TENM1: variants seen among roughly 807,000 people sequenced by gnomAD.
TENM1 encodes teneurin-1.
TENM1 carries 35 observed loss-of-function variants against 174.8 expected under a neutral mutation model. The ratio of observed to expected loss-of-function variants is 0.20; its 90% confidence interval spans 0.15 to 0.27. The LOEUF (loss-of-function observed/expected upper bound fraction) is 0.27, where lower values mean the gene tolerates loss of function less well. Ranked by LOEUF, TENM1 falls within the 10% of genes least tolerant of loss-of-function variation. The probability of loss-of-function intolerance (pLI) is 1.00; values close to 1 mark genes in which losing one functional copy is unlikely to be tolerated. For synonymous variants in TENM1, 781 were observed against 798.7 expected, an observed-to-expected ratio of 0.98 and a Z score of 0.37; for missense variants, 1,633 against 2,130.1, an observed-to-expected ratio of 0.77 and a Z score of 4.59.
chrX:124,377,501 C>T (rs1051599555), exon 32 of TENM1: 4 of 111,494 alleles, frequency 3.6e-5, no homozygotes, highest in Admixed American at 1.9e-4. Context: ...TAATCAATAA[C>T]GATTAGAATG....
chrX:125,148,262 TAA>T, the TENM1 span, among the ~76,000 whole-genome samples: 1 of 110,663 alleles, frequency 9.0e-6, no homozygotes, highest in Non-Finnish European at 1.9e-5. Flanking sequence ...GCATTCAATC[TAA>T]GTCTATTCTC....
intron 22 of TENM1, among the ~76,000 whole-genome samples, chrX:124,480,280 T>G (rs1279260065): frequency 1.8e-5 from 2 of 111,915 alleles, no homozygotes; most frequent in Admixed American, 1.9e-4. Context: ...CACTGTTAAA[T>G]AAATTCAGAT....
chrX:124,666,471 C>T (rs1355692781), intron 6 of TENM1, among the ~76,000 whole-genome samples: 2 of 111,494 alleles, frequency 1.8e-5, no homozygotes, highest in African/African-American at 6.5e-5. Flanking sequence ...TTTTTGTGTC[C>T]TGGGAAATGG....
intron 17 of TENM1, among the ~76,000 whole-genome samples, chrX:124,522,133 T>C (rs936502194): frequency 2.7e-5 from 3 of 111,897 alleles, no homozygotes; most frequent in African/African-American, 6.5e-5. Context: ...TTAAACACTG[T>C]CTTGTTTTTT....
chrX:124,578,039 C>T (rs1431363401), intron 11 of TENM1, among the ~76,000 whole-genome samples: 2 of 108,473 alleles, frequency 1.8e-5, no homozygotes, highest in Non-Finnish European at 3.8e-5. Context: ...AATCCTCCCG[C>T]CTCAGCCTCC....
chrX:124,402,407 G>A (rs183533374), intron 27 of TENM1, among the ~76,000 whole-genome samples: 4 of 111,799 alleles, frequency 3.6e-5, no homozygotes, highest in African/African-American at 1.3e-4. Context: ...AGTCCAGTCC[G>A]CAAATCTGCT....
chrX:124,597,580 A>G (rs2049926394), intron 11 of TENM1, among the ~76,000 whole-genome samples: 1 of 110,978 alleles, frequency 9.0e-6, no homozygotes. Flanking sequence ...CACATTGGGT[A>G]CAGTGTACAC....
chrX:124,542,159 C>G (rs2048333831), intron 15 of TENM1, among the ~76,000 whole-genome samples: 1 of 112,445 alleles, frequency 8.9e-6, no homozygotes, highest in Non-Finnish European at 1.9e-5. Flanking sequence ...GCTAGCCATG[C>G]CTTATCTGAA....
chrX:125,137,121 T>C, the TENM1 span, among the ~76,000 whole-genome samples: 1 of 111,415 alleles, frequency 9.0e-6, no homozygotes, highest in East Asian at 2.8e-4. Context: ...GGAGTGGTGG[T>C]TGTGCCTGCC....
intron 5 of TENM1, among the ~76,000 whole-genome samples, chrX:124,694,632 C>A (rs192766162): frequency 1.4e-3 from 153 of 111,917 alleles, no homozygotes; most frequent in Non-Finnish European, 2.4e-3. Context: ...GACACACATA[C>A]CTGAACATTG....
intron 3 of TENM1, among the ~76,000 whole-genome samples, chrX:124,755,629 G>A (rs2054212871): frequency 9.0e-6 from 1 of 111,655 alleles, no homozygotes; most frequent in African/African-American, 3.3e-5. Context: ...GCTGGTACTG[G>A]TTGTTCCTTT....
chrX:124,548,122 A>C (rs760042226), intron 14 of TENM1, among the ~76,000 whole-genome samples: 6 of 112,190 alleles, frequency 5.3e-5, no homozygotes, highest in East Asian at 2.8e-4. Context: ...AGGCGTGAGC[A>C]ACCGCACCCA....
At chrX:125,115,030 A>C in the TENM1 span, among the ~76,000 whole-genome samples, 2 of 111,889 alleles carry the variant, frequency 1.8e-5, no homozygotes, top group African/African-American at 6.5e-5. Context: ...CACATCAAAA[A>C]GCTTATCCAA....
chrX:124,920,268 T>A (rs1347501396), intron 1 of TENM1, among the ~76,000 whole-genome samples: 1 of 111,524 alleles, frequency 9.0e-6, no homozygotes, highest in Admixed American at 9.5e-5. Flanking sequence ...TTTACAAGAC[T>A]GAGATAATGT....
intron 27 of TENM1, among the ~76,000 whole-genome samples, chrX:124,404,540 C>T (rs2060440404): frequency 9.1e-6 from 1 of 109,550 alleles, no homozygotes; most frequent in Non-Finnish European, 1.9e-5. Flanking sequence ...GTATTCATGG[C>T]AATGCTATAA....
chrX:124,875,093 C>T (rs983239700), intron 3 of TENM1, among the ~76,000 whole-genome samples: 9 of 111,089 alleles, frequency 8.1e-5, no homozygotes, highest in Non-Finnish European at 1.5e-4. Context: ...TTATTGAAGG[C>T]ATGTTAAAAT....
chrX:124,530,089 T>C, intron 15 of TENM1, 106 bp from the exon 19 acceptor site: 1 of 919,988 alleles, frequency 1.1e-6, no homozygotes, highest in Non-Finnish European at 1.5e-6. Flanking sequence ...AAGAAAACAA[T>C]AATTTCACCA....
At chrX:124,907,891 C>T (rs2057775216) in intron 1 of TENM1, among the ~76,000 whole-genome samples, 1 of 111,932 alleles carries the variant, frequency 8.9e-6, no homozygotes, top group Admixed American at 9.5e-5. Flanking sequence ...ACATTACAGT[C>T]CTATCATTAC....
chrX:124,535,122 G>A (rs180924374), intron 15 of TENM1, among the ~76,000 whole-genome samples: 207 of 111,798 alleles, frequency 1.9e-3, no homozygotes, highest in African/African-American at 6.5e-3. Flanking sequence ...GATTGTCCAC[G>A]AGAATCACTG....
Sources: allele counts gnomAD v4.1 joint callset (sites outside exome capture counted in the v4.1 genomes callset), GRCh38; gene constraint gnomAD v4.1.1; transcripts MANE v1.5; gene names NCBI Gene and HGNC (gene_info 2026-07-23, HGNC 2026-07-21).